Variants in MESD observed in about 807,000 individuals in gnomAD.
The protein encoded by MESD is LRP chaperone MESD.
A neutral mutation model predicts 12.9 loss-of-function variants in MESD; 7 were observed. The observed-to-expected ratio is 0.54, with a 90% CI of 0.31 to 1.02. The LOEUF (loss-of-function observed/expected upper bound fraction) is 1.02, where lower values mean the gene tolerates loss of function less well. MESD is among the 50% of genes least tolerant of loss of function. The pLI is 0.05. For synonymous variants in MESD, 126 were observed against 115.6 expected, an observed-to-expected ratio of 1.09 and a Z score of -0.58; for missense variants, 342 against 296.7, an observed-to-expected ratio of 1.15 and a Z score of -1.12.
At chr15:80,964,982 G>A (rs893760577) in intron 3 of MESD, among the ~76,000 whole-genome samples, 13 of 152,194 alleles carry the variant, frequency 8.5e-5, no homozygotes, top group African/African-American at 2.9e-4. Flanking sequence ...AAGAGCTTCT[G>A]CACAGCAAAA....
intron 3 of MESD, among the ~76,000 whole-genome samples, chr15:80,967,457 C>G (rs1250583342): frequency 6.6e-6 from 1 of 152,160 alleles, no homozygotes; most frequent in African/African-American, 2.4e-5. Flanking sequence ...TTCTTCCAGA[C>G]CCTGGCATGT....
intron 2 of MESD, 149 bp from the exon 3 acceptor site, chr15:80,979,626 A>T: frequency 2.3e-6 from 2 of 857,642 alleles, no homozygotes; most frequent in Non-Finnish European, 3.5e-6. Context: ...GCAGCTACTG[A>T]TATCTCATGT....
intron 1 of MESD, among the ~76,000 whole-genome samples, chr15:80,985,737 T>C (rs1902713960): frequency 6.8e-6 from 1 of 147,768 alleles, no homozygotes; most frequent in Non-Finnish European, 1.5e-5. Context: ...TTGCAACTTC[T>C]GCCTGCCAGG....
chr15:80,979,222 C>T lies in MESD; in HGVS notation c.702G>A (p.Leu234=), dbSNP rs776457821. ...ACAGCGCGTCACTGCTGCCCCATCA[C>T]AGGTCTTCTCTTTTATTCCCAGCTC... ...ENRAGNKRED[L] is the part of the protein sequence containing the mutation. Residue 234 remains leucine, a synonymous_variant, in exon 3 of 3, where the codon CTG becomes CTA. Coordinates refer to ENST00000261758, the MANE Select transcript of MESD (RefSeq NM_015154.3). 6.2e-7 allele frequency: 1 copy of T among 1,613,102 alleles called. No homozygotes were observed. Among genetic ancestry groups the T allele is most frequent in the Non-Finnish European group, 8.5e-7 (1 of 1,179,626 alleles).
intron 1 of MESD, among the ~76,000 whole-genome samples, chr15:80,983,565 G>C (rs1424080481): frequency 6.6e-6 from 1 of 152,154 alleles, no homozygotes; most frequent in Admixed American, 6.6e-5. Flanking sequence ...AGAAACTCAT[G>C]GTTTTTCATA....
chr15:80,975,526 A>G (rs896797579), downstream of MESD, among the ~76,000 whole-genome samples: 4 of 152,152 alleles, frequency 2.6e-5, no homozygotes, highest in Non-Finnish European at 5.9e-5. Flanking sequence ...TTGTCAGTAT[A>G]CAAACACTAT....
chr15:80,967,521 A>C (rs1902198059), intron 3 of MESD, among the ~76,000 whole-genome samples: 1 of 152,212 alleles, frequency 6.6e-6, no homozygotes, highest in African/African-American at 2.4e-5. Context: ...GGTAAGGCCC[A>C]GGGAAAGCAA....
Position 80,978,555 on chromosome 15 carries a change from A to G in MESD, c.*664T>C, listed in dbSNP as rs1902482680. ...GTACTCTTTCCTAAATAAGGAAACA[A>G]AACAGAACCCCTAACTTTACAGACC... On this transcript the variant is annotated 3_prime_UTR_variant, in exon 3 of 3. Coordinates refer to ENST00000261758, the MANE Select transcript of MESD (RefSeq NM_015154.3). The G allele has an allele frequency of 6.6e-6, 1 of 152,270 alleles. No homozygotes were observed. Among genetic ancestry groups the G allele is most frequent in the Non-Finnish European group, 1.5e-5 (1 of 68,088 alleles). 9.4% of individuals were successfully genotyped at this position (152,270 alleles called of 1,614,324 possible).
At chr15:80,973,077 G>T (rs1170789826), downstream of MESD, among the ~76,000 whole-genome samples, 2 of 152,072 alleles carry the variant, frequency 1.3e-5, no homozygotes, top group African/African-American at 4.8e-5. Context: ...ACGCTGAGTG[G>T]AAAAATTGTA....
At chr15:80,987,550 A>G (rs1902767190) in intron 1 of MESD, among the ~76,000 whole-genome samples, 1 of 150,318 alleles carries the variant, frequency 6.7e-6, no homozygotes, top group Admixed American at 6.6e-5. Flanking sequence ...GTGCAGTGGC[A>G]TGATCTTGGC....
intron 3 of MESD, among the ~76,000 whole-genome samples, chr15:80,959,490 G>T (rs926626921): frequency 2.6e-5 from 4 of 152,080 alleles, no homozygotes; most frequent in Admixed American, 6.5e-5. Flanking sequence ...GAGGATATAG[G>T]GCAACTCCAA....
rs183946769 is a variant in MESD at position 80,962,960 on chromosome 15, C to T, written c.*289-10664G>A. 1.7e-3 allele frequency among the ~76,000 whole-genome samples: 266 copies of T among 152,122 alleles called. 1 individual carries two copies. Among genetic ancestry groups the T allele is most frequent in the Middle Eastern group, 0.01 (3 of 294 alleles). ...GTAAGAGCAAACATTCAAAAGCTAG[C>T]AGAAAACAAGAAATAACTAAGATCA... On this transcript the variant is annotated intron_variant, in intron 3 of 4. Coordinates refer to the MESD transcript ENST00000561312.
intron 4 of MESD, chr15:80,950,698 CT>C (rs1901780304): frequency 6.5e-6 from 1 of 152,730 alleles, no homozygotes; most frequent in African/African-American, 2.4e-5. Context: ...ACCCCAGTCC[CT>C]TTCAGCTGCT....
At chr15:80,966,852 T>A (rs115295813) in intron 3 of MESD, among the ~76,000 whole-genome samples, 2,907 of 152,274 alleles carry the variant, frequency 0.019, 79 homozygotes, top group African/African-American at 0.066. Flanking sequence ...TGATTCTGCA[T>A]CTCAAAAGCC....
At chr15:80,964,065 A>G (rs910112736) in intron 3 of MESD, among the ~76,000 whole-genome samples, 1 of 152,214 alleles carries the variant, frequency 6.6e-6, no homozygotes, top group Admixed American at 6.5e-5. Context: ...ACATGATTGT[A>G]TATCTAAAAA....
intron 3 of MESD, among the ~76,000 whole-genome samples, chr15:80,968,157 G>C (rs1379273124): frequency 6.6e-6 from 1 of 152,232 alleles, no homozygotes; most frequent in Non-Finnish European, 1.5e-5. Flanking sequence ...TCTCACCTGA[G>C]AGCAGGTCCT....
intron 4 of MESD, chr15:80,951,452 T>C (rs1451269882): frequency 6.6e-6 from 1 of 152,656 alleles, no homozygotes; most frequent in Non-Finnish European, 1.5e-5. Flanking sequence ...GTTAGGTCTT[T>C]AAGGAAAGCA....
chr15:80,956,134 G>A (rs1448333133), intron 3 of MESD, among the ~76,000 whole-genome samples: 1 of 152,078 alleles, frequency 6.6e-6, no homozygotes, highest in Non-Finnish European at 1.5e-5. Flanking sequence ...AGTCTGTGGT[G>A]AGCCGAGATC....
At chr15:80,988,651 G>A (rs1406407015) in intron 1 of MESD, among the ~76,000 whole-genome samples, 1 of 152,170 alleles carries the variant, frequency 6.6e-6, no homozygotes, top group East Asian at 1.9e-4. Flanking sequence ...TTGTCTGAAA[G>A]TCTTTCCCTT....
Sources: gnomAD v4.1 joint callset for allele counts (sites outside exome capture counted in the v4.1 genomes callset) on GRCh38, gnomAD v4.1.1 for gene constraint, MANE v1.5 for transcripts, NCBI Gene and HGNC (gene_info 2026-07-23, HGNC 2026-07-21) for gene names.